The following CREBRF variants were observed in gnomAD, a reference collection of about 807,000 sequenced individuals.
CREBRF encodes the protein CREB3 regulatory factor.
In CREBRF, 5 loss-of-function variants were observed where a neutral mutation model predicts 66.1. The ratio of observed to expected loss-of-function variants is 0.08; its 90% CI spans 0.04 to 0.16. The LOEUF (loss-of-function observed/expected upper bound fraction) is 0.16, where lower values mean the gene tolerates loss of function less well. Ranked by LOEUF, CREBRF falls within the 10% of genes least tolerant of loss-of-function variation. The pLI is 1.00. For missense variants in CREBRF, 531 were observed against 744.9 expected (o/e 0.71, Z 3.34); for synonymous variants, 229 against 264.4 (o/e 0.87, Z 1.30).
chr5:173,115,039 C>T (rs1319923652), intron 7 of CREBRF, among the ~76,000 whole-genome samples: 2 of 152,064 alleles, frequency 1.3e-5, no homozygotes, highest in Admixed American at 6.6e-5. Flanking sequence ...ACTGTCAAGG[C>T]TTGAGAAGAA....
chr5:173,091,463 GT>G, intron 4 of CREBRF, 62 bp downstream of exon 4: 1 of 1,548,398 alleles, frequency 6.5e-7, no homozygotes, highest in Non-Finnish European at 8.7e-7. Flanking sequence ...AAATAGAAAG[GT>G]TTTTGTTTCT....
At position 173,090,765 on chromosome 5, in the gene CREBRF, C is replaced by T; in HGVS notation, c.586C>T (p.Pro196Ser). ...TTCTAAGACTCTGCAGGCTGAGGTC[C>T]CTTTGTCAGACTGTGTCCAAAAAGC... ...CSSKTLQAEVPLSDCVQKASK... is the reference protein window; with the variant it reads ...CSSKTLQAEVSLSDCVQKASK... The change falls in exon 4 of 9, where the codon CCT becomes TCT. Residue 196 changes from proline (P) to serine (S), a missense_variant. Physicochemically the swap from Pro to Ser is moderately conservative, Grantham distance 74. Coordinates refer to ENST00000296953, the MANE Select transcript of CREBRF (RefSeq NM_153607.3). This position sits in a 1 kb window ranked among gnomAD's most constrained non-coding sequence, Gnocchi z 4.5. 1 of 1,614,082 alleles carries T rather than the reference C, an allele frequency of 6.2e-7. No individual in the cohort carries two copies. The highest frequency in any genetic ancestry group is 8.5e-7 in the Non-Finnish European group (1 of 1,180,014).
At position 173,108,607 on chromosome 5, in the gene CREBRF, C is replaced by T. The variant is rs192021908; in HGVS notation, c.1223-17C>T. On this transcript the variant is annotated splice_polypyrimidine_tract_variant and intron_variant, in intron 4 of 8. Coordinates refer to ENST00000296953, the MANE Select transcript of CREBRF (RefSeq NM_153607.3). ...TGAAATTTATGGAGCTTAAAAATTG[C>T]GGGACCTTTTTTTAAGGCTATGAAA... The T allele has an allele frequency of 2.9e-5, 46 of 1,591,714 alleles. 1 individual carries two copies. Among genetic ancestry groups the T allele is most frequent in the South Asian group, 1.3e-4 (11 of 85,938 alleles).
intron 1 of CREBRF, among the ~76,000 whole-genome samples, chr5:173,057,850 AT>A (rs1276480997): frequency 5.4e-5 from 8 of 148,232 alleles, no homozygotes; most frequent in African/African-American, 2.0e-4. Flanking sequence ...CCTTTTAAAG[AT>A]TAGGCCCCGT....
chr5:173,133,237 C>A lies in CREBRF; in HGVS notation c.1805-393C>A, dbSNP rs551731137. Among the ~76,000 whole-genome samples, 16 of 152,152 alleles carry A rather than the reference C, an allele frequency of 1.1e-4. 1 individual carries two copies. The South Asian group carries it at 3.3e-3, about 32-fold the overall frequency. On this transcript the variant is annotated intron_variant, in intron 8 of 8. Coordinates refer to ENST00000296953, the MANE Select transcript of CREBRF (RefSeq NM_153607.3). ...TTTCAGTTTCATGGGTGAAACCTAC[C>A]CATGGAACTTGGTGAGTTTAGAGTA...
At chr5:173,076,408 C>G (rs538386531) in intron 1 of CREBRF, among the ~76,000 whole-genome samples, 14 of 152,144 alleles carry the variant, frequency 9.2e-5, no homozygotes, top group Non-Finnish European at 1.5e-4. Context: ...CTTTCTTCCT[C>G]TTTCAACTTT....
rs1348263697 is a variant in CREBRF at position 173,135,944 on chromosome 5, A to T, written c.*2199A>T. 6.6e-6 allele frequency: 1 copy of T among 152,462 alleles called. No homozygotes were observed. Among genetic ancestry groups the T allele is most frequent in the Non-Finnish European group, 1.5e-5 (1 of 67,946 alleles). 9.4% of individuals were successfully genotyped at this position (152,462 alleles called of 1,614,324 possible). A position where few individuals can be genotyped will look rare whatever the true frequency, so the allele number is the denominator to read the frequency against. The stretch of plus-strand genomic sequence containing the variant: ...TGATAAGCTCAAGTCTGATGGTTTA[A>T]TAGAATGTAAGTTCATCGTTTAAAG... On this transcript the variant is annotated 3_prime_UTR_variant, in exon 9 of 9. Transcript: ENST00000296953.
chr5:173,091,274 T>G lies in CREBRF; in HGVS notation c.1095T>G (p.Asp365Glu). 6.2e-7 allele frequency: 1 copy of G among 1,613,766 alleles called. No homozygotes were observed. Among genetic ancestry groups the G allele is most frequent in the Non-Finnish European group, 8.5e-7 (1 of 1,179,832 alleles). ...ATGAGGAGGACGAGGAGGATGTTGA[T>G]GATGAGGACCATGATGAAGGATTCG... ...EEDEEDEEDV[D>E]DEDHDEGFGS... is the part of the protein sequence containing the mutation. Residue 365 changes from aspartate to glutamate, a missense_variant, in exon 4 of 9, where the codon GAT (aspartate) becomes GAG (glutamate). Coordinates refer to ENST00000296953, the MANE Select transcript of CREBRF (RefSeq NM_153607.3).
intron 4 of CREBRF, among the ~76,000 whole-genome samples, chr5:173,096,582 TC>T (rs1220868925): frequency 2.0e-5 from 3 of 150,244 alleles, no homozygotes. Context: ...AGATAGGACT[TC>T]CAGTATTATC....
At chr5:173,062,643 C>A (rs969913850) in intron 1 of CREBRF, among the ~76,000 whole-genome samples, 5 of 150,718 alleles carry the variant, frequency 3.3e-5, no homozygotes, top group African/African-American at 1.2e-4. Context: ...TGGATTTGTC[C>A]TATTTGGCAA....
intron 1 of CREBRF, among the ~76,000 whole-genome samples, chr5:173,079,189 A>G (rs1446346669): frequency 6.6e-6 from 1 of 152,142 alleles, no homozygotes; most frequent in African/African-American, 2.4e-5. Context: ...GGCACTTGAC[A>G]TTGTTTCCTA....
intron 4 of CREBRF, among the ~76,000 whole-genome samples, chr5:173,096,440 CCCTCCCCTCT>C (rs1212459597): frequency 5.3e-4 from 38 of 71,936 alleles, no homozygotes; most frequent in East Asian, 3.2e-3. Flanking sequence ...CCCTTCCCTC[CCCTCCCCTCT>C]CCTCCCCTCT....
At chr5:173,109,229 A>G (rs1254209833) in intron 5 of CREBRF, 1 of 158,580 alleles carries the variant, frequency 6.3e-6, no homozygotes, top group African/African-American at 2.4e-5. Flanking sequence ...GGTAATGGGG[A>G]TAAAAGGGCA....
In CREBRF at chr5:173,127,694, G is replaced by A. The variant is rs187079221; in HGVS notation, c.1804+4492G>A. ...AGGCTGGTCTCAAACTCCTAACCTC[G>A]TGATCCACCCACCTCAGCCTCCCAA... On this transcript the variant is annotated intron_variant, in intron 8 of 8. Transcript: ENST00000296953. Among the ~76,000 whole-genome samples, 75 of 152,066 alleles carry A rather than the reference G, an allele frequency of 4.9e-4. 1 individual carries two copies. The East Asian group carries it at 0.014, about 27-fold the overall frequency.
rs148608412 is a variant in CREBRF at position 173,090,857 on chromosome 5, C to A, written c.678C>A (p.Asn226Lys). Residue 226 changes from asparagine (N) to lysine (K), a missense_variant, in exon 4 of 9, where the codon AAC becomes AAA. Transcript: ENST00000296953. The surrounding 1 kb of genome is among the most constrained non-coding windows in gnomAD (Gnocchi z 4.5). ...KTNMYHNEKV[N>K]FHVECKDYVK... ...ACATGTATCATAATGAAAAGGTGAA[C>A]TTTCATGTTGAATGTAAAGACTATG... The A allele has an allele frequency of 2.5e-5, 40 of 1,614,038 alleles. No homozygotes were observed. Among genetic ancestry groups the A allele is most frequent in the Non-Finnish European group, 3.1e-5 (37 of 1,180,038 alleles).
At chr5:173,108,904 C>T in intron 5 of CREBRF, 86 bp downstream of exon 5, 1 of 1,240,476 alleles carries the variant, frequency 8.1e-7, no homozygotes, top group Non-Finnish European at 1.1e-6. Context: ...TGTACCTAGG[C>T]ATTCAGCCCT....
At chr5:173,091,453 A>G in intron 4 of CREBRF, 52 bp downstream of exon 4, 13 of 1,560,514 alleles carry the variant, frequency 8.3e-6, no homozygotes, top group Non-Finnish European at 1.1e-5. Context: ...TACTATTTTG[A>G]AATAGAAAGG....
At chr5:173,106,174 A>G (rs1758744779) in intron 4 of CREBRF, among the ~76,000 whole-genome samples, 1 of 150,746 alleles carries the variant, frequency 6.6e-6, no homozygotes, top group South Asian at 2.1e-4. Context: ...TCACACCTGT[A>G]ATCCCAGCGC....
intron 8 of CREBRF, among the ~76,000 whole-genome samples, chr5:173,131,296 C>T (rs1197725669): frequency 6.6e-6 from 1 of 152,166 alleles, no homozygotes; most frequent in East Asian, 1.9e-4. Flanking sequence ...ATTCTCTTAG[C>T]CACAACGCCA....
Sources: allele counts gnomAD v4.1 joint callset (sites outside exome capture counted in the v4.1 genomes callset), GRCh38; gene constraint gnomAD v4.1.1; non-coding constraint Gnocchi (gnomAD v3.1); transcripts MANE v1.5; gene names NCBI Gene and HGNC (gene_info 2026-07-23, HGNC 2026-07-21).